Variants in OSBPL10 observed in about 807,000 individuals in gnomAD.
The protein encoded by OSBPL10 is oxysterol binding protein like 10.
In OSBPL10, 49 loss-of-function variants were observed where a neutral mutation model predicts 81.7. That is an observed-to-expected ratio of 0.60 (90% CI 0.48 to 0.76). The LOEUF (loss-of-function observed/expected upper bound fraction) is 0.76, where lower values mean the gene tolerates loss of function less well. Ranked by LOEUF, OSBPL10 falls within the 30% of genes least tolerant of loss-of-function variation. The pLI, the probability that OSBPL10 is intolerant of heterozygous loss-of-function variation, is 0.00. For synonymous variants in OSBPL10, 419 were observed against 383.6 expected (o/e 1.09, Z -1.08); for missense variants, 923 against 987.8 (o/e 0.93, Z 0.88).
intron 8 of OSBPL10, among the ~76,000 whole-genome samples, chr3:31,681,296 C>G (rs916326371): frequency 6.6e-6 from 1 of 152,206 alleles, no homozygotes; most frequent in Non-Finnish European, 1.5e-5. Flanking sequence ...CCTGTGGGCA[C>G]TCTGGAGTTG....
rs267599767 is a variant in OSBPL10 at position 31,876,470 on chromosome 3, C to T, written c.500G>A (p.Arg167Gln). 7.4e-6 allele frequency: 12 copies of T among 1,613,674 alleles called. No individual in the cohort carries two copies. The highest frequency in any genetic ancestry group is 2.2e-5 in the East Asian group (1 of 44,892). Residue 167 changes from arginine (R) to glutamine (Q), a missense_variant, in exon 3 of 12, where the codon CGA becomes CAA. Coordinates refer to ENST00000396556, the MANE Select transcript of OSBPL10 (RefSeq NM_017784.5). ...KEKQFWVTQL[R>Q]ACAKYHMEMN... ...TTCCATGTGGTATTTGGCACAAGCTCGAAGCTGAGTCACCCAGAATTGTTT... is the reference window on the plus strand; with the variant it reads ...TTCCATGTGGTATTTGGCACAAGCTTGAAGCTGAGTCACCCAGAATTGTTT...
chr3:31,971,901 T>C (rs1698577220), intron 1 of OSBPL10, among the ~76,000 whole-genome samples: 1 of 152,350 alleles, frequency 6.6e-6, no homozygotes, highest in African/African-American at 2.4e-5. Flanking sequence ...CTCCCCTCTG[T>C]TATGGACTGT....
intron 1 of OSBPL10, among the ~76,000 whole-genome samples, chr3:31,928,047 A>T (rs1697128730): frequency 6.6e-6 from 1 of 152,216 alleles, no homozygotes; most frequent in South Asian, 2.1e-4. Context: ...GTGAACCACG[A>T]CCAGTAAAAA....
Position 31,824,794 on chromosome 3 carries a change from G to A in OSBPL10, c.729+5246C>T, listed in dbSNP as rs767658342. Among the ~76,000 whole-genome samples, 18 of 152,096 alleles carry A rather than the reference G, an allele frequency of 1.2e-4. 1 individual carries two copies. Among genetic ancestry groups the A allele is most frequent in the African/African-American group, 2.2e-4 (9 of 41,480 alleles). On this transcript the variant is annotated intron_variant, in intron 4 of 11. Transcript: ENST00000396556. ...TCTGGGTTCTTCCTTGTTTGCCAGC[G>A]GATATCTTGCAGTTGCGGGTATATC...
intron 6 of OSBPL10, chr3:31,708,976 T>C: frequency 3.0e-6 from 3 of 985,404 alleles, no homozygotes; most frequent in Non-Finnish European, 3.6e-6. Context: ...TACTATCCTC[T>C]ACATGGAGCC....
At chr3:31,763,886 T>G (rs1191216032) in intron 4 of OSBPL10, among the ~76,000 whole-genome samples, 6 of 152,250 alleles carry the variant, frequency 3.9e-5, no homozygotes, top group Non-Finnish European at 1.5e-5. Context: ...ATCAGGAATC[T>G]GCTTCATTAA....
At chr3:32,024,730 T>G (rs1314690876) in intron 2 of OSBPL10, among the ~76,000 whole-genome samples, 2 of 152,122 alleles carry the variant, frequency 1.3e-5, no homozygotes, top group African/African-American at 4.8e-5. Context: ...TGCCTCGGCC[T>G]CCCAAAGTGC....
rs868635127 is a variant in OSBPL10 at position 31,926,288 on chromosome 3, T to C, written c.282-46458A>G. ...GGTGGTTCTCAACCATGGGTGATTT[T>C]GCCCCCCCAGAGGATAGCTGCAATG... is the stretch of plus-strand genomic sequence containing the variant. On this transcript the variant is annotated intron_variant, in intron 1 of 11. Coordinates refer to ENST00000396556, the MANE Select transcript of OSBPL10 (RefSeq NM_017784.5). 8.7e-4 allele frequency among the ~76,000 whole-genome samples: 77 copies of C among 88,206 alleles called. 4 individuals carry two copies. Among genetic ancestry groups the C allele is most frequent in the South Asian group, 2.0e-3 (4 of 1,958 alleles). The allele number at this position is 88,206 out of a possible 152,430, so 57.9% of individuals were successfully genotyped here.
chr3:31,989,183 T>C, intron 2 of OSBPL10: 1 of 1,614,086 alleles, frequency 6.2e-7, no homozygotes, highest in Admixed American at 1.7e-5. Flanking sequence ...GAATTCTCTT[T>C]GGAGGAGTGG....
chr3:31,683,123 T>C (rs1341746918), intron 8 of OSBPL10, among the ~76,000 whole-genome samples: 3 of 152,232 alleles, frequency 2.0e-5, no homozygotes, highest in Non-Finnish European at 2.9e-5. Flanking sequence ...AAAATAAGAA[T>C]GTGTGATCCA....
chr3:31,732,134 T>G (rs1239474649), intron 6 of OSBPL10, among the ~76,000 whole-genome samples: 1 of 152,202 alleles, frequency 6.6e-6, no homozygotes, highest in African/African-American at 2.4e-5. Flanking sequence ...TCTGATTCAC[T>G]TACACATCAG....
intron 2 of OSBPL10, among the ~76,000 whole-genome samples, chr3:32,023,786 T>A (rs1160510260): frequency 6.6e-6 from 1 of 152,224 alleles, no homozygotes; most frequent in African/African-American, 2.4e-5. Flanking sequence ...AAACTGCAGA[T>A]AGTACAGAAC....
At chr3:31,913,858 G>A (rs928177586) in intron 1 of OSBPL10, among the ~76,000 whole-genome samples, 3 of 152,028 alleles carry the variant, frequency 2.0e-5, no homozygotes, top group Non-Finnish European at 4.4e-5. Flanking sequence ...TCATATTCTC[G>A]GAGAACCAAG....
At chr3:31,807,945 T>C (rs1490615188) in intron 4 of OSBPL10, among the ~76,000 whole-genome samples, 1 of 152,192 alleles carries the variant, frequency 6.6e-6, no homozygotes, top group East Asian at 1.9e-4. Context: ...TGGGCCATGA[T>C]ATAATGACTT....
chr3:31,692,945 G>GA, intron 7 of OSBPL10, among the ~76,000 whole-genome samples: 1 of 152,244 alleles, frequency 6.6e-6, no homozygotes, highest in East Asian at 1.9e-4. Context: ...CAACAGGACA[G>GA]AAAGGGAGAA....
intron 7 of OSBPL10, among the ~76,000 whole-genome samples, chr3:31,697,065 A>G (rs1363640778): frequency 1.3e-5 from 2 of 152,158 alleles, no homozygotes; most frequent in African/African-American, 2.4e-5. Flanking sequence ...TCCTCCTTCA[A>G]TCTGGCCTGA....
intron 3 of OSBPL10, among the ~76,000 whole-genome samples, chr3:31,859,950 T>C (rs1701018732): frequency 6.6e-6 from 1 of 152,168 alleles, no homozygotes; most frequent in South Asian, 2.1e-4. Flanking sequence ...AATTTTCCAA[T>C]GGACTTGGAG....
At chr3:31,808,255 G>A (rs1699571456) in intron 4 of OSBPL10, among the ~76,000 whole-genome samples, 1 of 152,174 alleles carries the variant, frequency 6.6e-6, no homozygotes, top group Admixed American at 6.5e-5. Flanking sequence ...AAAGGACGAG[G>A]CAAGCGCAGG....
chr3:32,041,290 A>G (rs1038398240), intron 2 of OSBPL10, among the ~76,000 whole-genome samples: 2 of 152,224 alleles, frequency 1.3e-5, no homozygotes, highest in Admixed American at 1.3e-4. Flanking sequence ...ATAGAAAAAC[A>G]AAGTGTCATT....
Sources: gnomAD v4.1 joint callset for allele counts (sites outside exome capture counted in the v4.1 genomes callset) on GRCh38, gnomAD v4.1.1 for gene constraint, MANE v1.5 for transcripts, NCBI Gene and HGNC (gene_info 2026-07-23, HGNC 2026-07-21) for gene names.